DCAF5: variants seen among roughly 807,000 people sequenced by gnomAD.
DCAF5 encodes the protein DDB1- and CUL4-associated factor 5.
In DCAF5, 9 loss-of-function variants were observed where a neutral mutation model predicts 80.7. The ratio of observed to expected loss-of-function variants is 0.11; its 90% CI spans 0.07 to 0.19. The LOEUF (loss-of-function observed/expected upper bound fraction) is 0.19, where lower values mean the gene tolerates loss of function less well. Ranked by LOEUF, DCAF5 falls within the 10% of genes least tolerant of loss-of-function variation. The pLI is 1.00. For synonymous variants in DCAF5, 433 were observed against 461.9 expected (o/e 0.94, Z 0.80); for missense variants, 842 against 1,205.7 (o/e 0.70, Z 4.47).
At chr14:69,090,118 A>C in intron 6 of DCAF5, 10 of 985,108 alleles carry the variant, frequency 1.0e-5, no homozygotes, top group Non-Finnish European at 1.2e-5. Flanking sequence ...TCAACAAAAC[A>C]AGAATTACAT....
intron 5 of DCAF5, among the ~76,000 whole-genome samples, chr14:69,110,059 T>G (rs1355545803): frequency 6.6e-6 from 1 of 152,222 alleles, no homozygotes; most frequent in Non-Finnish European, 1.5e-5. Context: ...ACTGCTCTCA[T>G]GAGTGATAAA....
intron 1 of DCAF5, among the ~76,000 whole-genome samples, chr14:69,136,873 T>C (rs1028828516): frequency 1.3e-5 from 2 of 152,066 alleles, no homozygotes; most frequent in Non-Finnish European, 2.9e-5. Flanking sequence ...TGCAACGAAA[T>C]ATGAAAAAAT....
chr14:69,128,859 C>T (rs974560348), intron 1 of DCAF5, among the ~76,000 whole-genome samples: 4 of 151,544 alleles, frequency 2.6e-5, no homozygotes, highest in Non-Finnish European at 4.4e-5. Context: ...TGGGAGGATC[C>T]GTAATCCCAG....
chr14:69,069,880 CA>C (rs1174620138), intron 7 of DCAF5, among the ~76,000 whole-genome samples: 1 of 152,172 alleles, frequency 6.6e-6, no homozygotes, highest in Non-Finnish European at 1.5e-5. Context: ...CTCAGCCTCC[CA>C]AAGTGCTGGG....
chr14:69,088,395 G>A (rs1374872440), intron 6 of DCAF5, among the ~76,000 whole-genome samples: 3 of 152,208 alleles, frequency 2.0e-5, no homozygotes, highest in East Asian at 3.8e-4. Context: ...TTCATCTACA[G>A]TGGTGGCAAT....
In DCAF5 at chr14:69,054,563, T is replaced by C; in HGVS notation, c.2123A>G (p.Lys708Arg). 1 of 1,614,206 alleles carries C rather than the reference T, an allele frequency of 6.2e-7. No individual in the cohort carries two copies. The highest frequency in any genetic ancestry group is 2.2e-5 in the East Asian group (1 of 44,890). The change falls in exon 9 of 9, where the codon AAG (lysine) becomes AGG (arginine). Residue 708 changes from lysine (K) to arginine (R), a missense_variant. Physicochemically the swap from Lys to Arg is conservative, Grantham distance 26. Around this residue, in one of 5 missense-constraint regions of DCAF5, gnomAD observed 607 missense variants for 656.6 expected, o/e 0.92. Coordinates refer to ENST00000341516, the MANE Select transcript of DCAF5 (RefSeq NM_003861.3). ...CATTGCTATGTTTAGACAGGCTTCC[T>C]TACTGGAAGAAGGGGCTGGGTTGTC... Reference protein sequence around the residue: ...HKDNPAPSSSKEACLNIAMAQ... With the variant: ...HKDNPAPSSSREACLNIAMAQ...
At chr14:69,100,123 C>T (rs2039899096) in intron 5 of DCAF5, among the ~76,000 whole-genome samples, 1 of 152,158 alleles carries the variant, frequency 6.6e-6, no homozygotes, top group Non-Finnish European at 1.5e-5. Context: ...ATATACTATA[C>T]ATATTGATGG....
chr14:69,066,633 CCCCAGGAT>C (rs2038454895), intron 7 of DCAF5, among the ~76,000 whole-genome samples: 1 of 152,132 alleles, frequency 6.6e-6, no homozygotes, highest in African/African-American at 2.4e-5. Flanking sequence ...CCGTAGGGGA[CCCCAGGAT>C]CCCAGGGGAA....
At chr14:69,098,470 T>C (rs1000479807) in intron 5 of DCAF5, among the ~76,000 whole-genome samples, 2 of 152,180 alleles carry the variant, frequency 1.3e-5, no homozygotes, top group Non-Finnish European at 2.9e-5. Flanking sequence ...TCCCACTAGA[T>C]GATTATCTTT....
At chr14:69,085,230 T>TC (rs2039270939) in intron 6 of DCAF5, 2 of 711,790 alleles carry the variant, frequency 2.8e-6, no homozygotes, top group Non-Finnish European at 5.3e-6. Flanking sequence ...TCAAGGTGCC[T>TC]CCCTTTGTTG....
intron 2 of DCAF5, 41 bp downstream of exon 2, chr14:69,122,176 C>G (rs925162395): frequency 6.3e-7 from 1 of 1,591,002 alleles, no homozygotes; most frequent in Non-Finnish European, 8.6e-7. Context: ...TCTAAAATCC[C>G]AACCACAGTG....
intron 5 of DCAF5, among the ~76,000 whole-genome samples, chr14:69,093,848 G>A (rs1247456931): frequency 6.6e-6 from 1 of 152,214 alleles, no homozygotes; most frequent in Non-Finnish European, 1.5e-5. Flanking sequence ...ACATCAAGGA[G>A]GGGCCTGGTA....
chr14:69,108,096 C>A (rs1269965119), intron 5 of DCAF5, among the ~76,000 whole-genome samples: 1 of 152,168 alleles, frequency 6.6e-6, no homozygotes, highest in Non-Finnish European at 1.5e-5. Flanking sequence ...GCAAAAGCAG[C>A]AACTGAAATG....
At chr14:69,096,591 G>A (rs1414484592) in intron 5 of DCAF5, among the ~76,000 whole-genome samples, 1 of 152,138 alleles carries the variant, frequency 6.6e-6, no homozygotes, top group Non-Finnish European at 1.5e-5. Context: ...ACAGGAACAT[G>A]CCCAGAGTGG....
intron 5 of DCAF5, among the ~76,000 whole-genome samples, chr14:69,108,014 A>G (rs1007049229): frequency 1.5e-4 from 23 of 152,236 alleles, no homozygotes; most frequent in African/African-American, 5.1e-4. Context: ...GCTCCTGGGC[A>G]CTGGGAAGGA....
intron 7 of DCAF5, among the ~76,000 whole-genome samples, chr14:69,063,104 T>G (rs1464768161): frequency 6.6e-6 from 1 of 152,072 alleles, no homozygotes; most frequent in Admixed American, 6.6e-5. Context: ...GAAAGAAAAA[T>G]TTGGATCACT....
At chr14:69,090,959 T>C in intron 6 of DCAF5, 1 of 636,236 alleles carries the variant, frequency 1.6e-6, no homozygotes, top group South Asian at 1.8e-5. Flanking sequence ...CATTTGTCTT[T>C]CCTCGGCTTG....
At chr14:69,087,085 T>C (rs1460666277) in intron 6 of DCAF5, among the ~76,000 whole-genome samples, 1 of 152,188 alleles carries the variant, frequency 6.6e-6, no homozygotes, top group Non-Finnish European at 1.5e-5. Flanking sequence ...CTTGCTAGAC[T>C]GAAAGACTTG....
intron 1 of DCAF5, among the ~76,000 whole-genome samples, chr14:69,128,291 A>C (rs570251759): frequency 6.6e-6 from 1 of 151,382 alleles, no homozygotes; most frequent in Non-Finnish European, 1.5e-5. Flanking sequence ...GGTTCAACTG[A>C]TTATCCTGCC....
Sources: gnomAD v4.1 joint callset for allele counts (sites outside exome capture counted in the v4.1 genomes callset) on GRCh38, gnomAD v4.1.1 for gene constraint, gnomAD v4.1.1 regional missense constraint, MANE v1.5 for transcripts, NCBI Gene and HGNC (gene_info 2026-07-23, HGNC 2026-07-21) for gene names.